Variants in RNF103 observed in about 807,000 individuals in gnomAD.
The protein encoded by RNF103 is E3 ubiquitin-protein ligase RNF103.
A neutral mutation model predicts 66.2 loss-of-function variants in RNF103; 23 were observed. That is an observed-to-expected ratio of 0.35 (90% CI 0.25 to 0.49). The LOEUF is 0.49. Among genes scored for constraint, RNF103 ranks in the 20% least tolerant of loss-of-function variants. RNF103 has a pLI of 0.98. For missense variants in RNF103, 730 were observed against 814.7 expected, an observed-to-expected ratio of 0.90 and a Z score of 1.27; for synonymous variants, 297 against 289.9, an observed-to-expected ratio of 1.02 and a Z score of -0.25.
chr2:86,607,183 T>G (rs566352717), intron 3 of RNF103, among the ~76,000 whole-genome samples: 3 of 152,254 alleles, frequency 2.0e-5, no homozygotes, highest in Non-Finnish European at 4.4e-5. Flanking sequence ...GATTTGTATA[T>G]GCATAGTAAT....
intron 3 of RNF103, among the ~76,000 whole-genome samples, chr2:86,611,954 T>C (rs1395493823): frequency 1.3e-5 from 2 of 150,732 alleles, no homozygotes; most frequent in African/African-American, 4.9e-5. Flanking sequence ...GAGAGGGAGA[T>C]AGAGGAGACA....
rs1679305819 is a variant in RNF103 at position 86,623,286 on chromosome 2, T to C, written c.-400A>G. 3 of 993,784 alleles carry C rather than the reference T, an allele frequency of 3.0e-6. No homozygotes were observed. Among genetic ancestry groups the C allele is most frequent in the South Asian group, 4.5e-5 (1 of 22,102 alleles). The allele number at this position is 993,784 out of a possible 1,614,324, so 61.6% of individuals were successfully genotyped here. On this transcript the variant is annotated 5_prime_UTR_variant, in exon 1 of 4. Coordinates refer to ENST00000237455, the MANE Select transcript of RNF103 (RefSeq NM_005667.4). ...CGGGGTCGGCCCTCCGGTGCCGCGATCTCAAGGGGGAGGGGGAGACCAAAA... is the reference window on the plus strand; with the variant it reads ...CGGGGTCGGCCCTCCGGTGCCGCGACCTCAAGGGGGAGGGGGAGACCAAAA...
intron 2 of RNF103, chr2:86,616,583 G>A: frequency 2.0e-6 from 2 of 985,358 alleles, no homozygotes; most frequent in Non-Finnish European, 1.2e-6. Context: ...CAAAACTTTT[G>A]TCTAGGAGCA....
chr2:86,620,577 T>C (rs1045006882), intron 1 of RNF103, 108 bp from the exon 2 acceptor site: 2 of 1,310,472 alleles, frequency 1.5e-6, no homozygotes, highest in East Asian at 2.6e-5. Flanking sequence ...TGTACTTTCA[T>C]TGTATTTTAT....
chr2:86,608,521 AAG>A (rs1573355433), intron 3 of RNF103, among the ~76,000 whole-genome samples: 3 of 150,608 alleles, frequency 2.0e-5, no homozygotes, highest in South Asian at 2.1e-4. Context: ...GGAAGAAAGG[AAG>A]AGAGAGAAAC....
chr2:86,613,614 G>A (rs1446953990), intron 2 of RNF103: 1 of 152,116 alleles, frequency 6.6e-6, no homozygotes, highest in African/African-American at 2.4e-5. Flanking sequence ...AAGCCTCCAG[G>A]AAGTGAAGTT....
In RNF103 at chr2:86,623,837, G is replaced by A. The variant is rs1224383282; in HGVS notation, c.-951C>T. The A allele has an allele frequency of 7.8e-7, 1 of 1,287,898 alleles. No homozygotes were observed. The highest frequency in any genetic ancestry group is 1.0e-6 in the Non-Finnish European group (1 of 988,362). The allele number at this position is 1,287,898 out of a possible 1,614,324, so 79.8% of individuals were successfully genotyped here. On this transcript the variant is annotated 5_prime_UTR_variant, in exon 1 of 4. Coordinates refer to ENST00000237455, the MANE Select transcript of RNF103 (RefSeq NM_005667.4). ...GTACCCTCCACAACCGTGTATCAGC[G>A]GCGGCCGCGGCCGGAGCCGAGACAT...
chr2:86,621,599 G>A (rs1679230244), intron 1 of RNF103, among the ~76,000 whole-genome samples: 1 of 152,088 alleles, frequency 6.6e-6, no homozygotes, highest in Non-Finnish European at 1.5e-5. Flanking sequence ...TTTATAACCC[G>A]CAACCTACAA....
chr2:86,609,301 T>TG (rs562024472), intron 3 of RNF103, among the ~76,000 whole-genome samples: 1 of 152,160 alleles, frequency 6.6e-6, no homozygotes, highest in Admixed American at 6.5e-5. Flanking sequence ...GCTGAGCAGA[T>TG]GCTGGCACCA....
chr2:86,621,122 T>C (rs1679213207), intron 1 of RNF103, among the ~76,000 whole-genome samples: 1 of 152,210 alleles, frequency 6.6e-6, no homozygotes, highest in Non-Finnish European at 1.5e-5. Flanking sequence ...TACTGCACCA[T>C]GATAGCAGCA....
At chr2:86,620,257 T>C (rs1679176296) in intron 2 of RNF103, 73 bp downstream of exon 2, 5 of 1,465,722 alleles carry the variant, frequency 3.4e-6, no homozygotes, top group Non-Finnish European at 4.6e-6. Flanking sequence ...TGTCACTGGC[T>C]GGTACATACT....
At chr2:86,614,818 A>G (rs1678955799) in intron 2 of RNF103, 26 of 984,374 alleles carry the variant, frequency 2.6e-5, no homozygotes, top group Non-Finnish European at 3.1e-5. Flanking sequence ...TCATACTACC[A>G]TACTCTCTAC....
chr2:86,618,283 C>G (rs1298583588), intron 2 of RNF103: 1 of 213,266 alleles, frequency 4.7e-6, no homozygotes, highest in Admixed American at 5.4e-5. Flanking sequence ...CTACTTTCCA[C>G]TAACTGATGT....
At chr2:86,620,501 G>T in intron 1 of RNF103, 32 bp from the exon 2 acceptor site, 2 of 1,502,908 alleles carry the variant, frequency 1.3e-6, no homozygotes, top group Non-Finnish European at 1.8e-6. Context: ...CACTAATAAG[G>T]TTGCAAGAAT....
chr2:86,615,098 G>A (rs1008755171), intron 2 of RNF103: 67 of 985,282 alleles, frequency 6.8e-5, no homozygotes, highest in Non-Finnish European at 7.7e-5. Context: ...TTCTTCCCAG[G>A]TACCTCTTGG....
At chr2:86,611,094 TG>T (rs1310510125) in intron 3 of RNF103, among the ~76,000 whole-genome samples, 1 of 151,596 alleles carries the variant, frequency 6.6e-6, no homozygotes, top group Non-Finnish European at 1.5e-5. Flanking sequence ...GAAGATCACT[TG>T]AGCCCATCCA....
At position 86,604,117 on chromosome 2, in the gene RNF103, T is replaced by C. The variant is rs1173513263; in HGVS notation, c.1784A>G (p.Tyr595Cys). 2.5e-6 allele frequency: 4 copies of C among 1,613,462 alleles called. No individual in the cohort carries two copies. The highest frequency in any genetic ancestry group is 2.2e-5 in the South Asian group (2 of 91,084). The part of the protein sequence containing the change: ...TSPCERKGRS[Y>C]GSYNTNEDME... Reference sequence around the variant, plus strand: ...ATCTTCATTAGTGTTATATGATCCATATGACCTCCCCTTCCTTTCACATGG... The same window carrying C: ...ATCTTCATTAGTGTTATATGATCCACATGACCTCCCCTTCCTTTCACATGG... Residue 595 changes from tyrosine (Y) to cysteine (C), a missense_variant, in exon 4 of 4, where the codon TAT becomes TGT. Tyr to Cys is a radical substitution (Grantham distance 194, BLOSUM62 -2). Coordinates refer to ENST00000237455, the MANE Select transcript of RNF103 (RefSeq NM_005667.4).
rs1364224022 is a variant in RNF103, at chr2:86,613,802, CCT to C, written c.367-1530_367-1529del. ...GAAGTTCACTTTATGTGCCAAATAACCTCTGTGACACTCCACTACCATCCTCA... is the reference window on the plus strand; with the variant it reads ...GAAGTTCACTTTATGTGCCAAATAACCTGTGACACTCCACTACCATCCTCA... On this transcript the variant is annotated intron_variant, in intron 2 of 3. Transcript: ENST00000237455. 3 of 152,302 alleles carry C rather than the reference CCT, an allele frequency of 2.0e-5. No homozygotes were observed. The East Asian group carries it at 5.8e-4, about 29-fold the overall frequency. 9.4% of individuals were successfully genotyped at this position (152,302 alleles called of 1,614,324 possible).
In RNF103 at chr2:86,605,040, T is replaced by C. The variant is rs535409400; in HGVS notation, c.861A>G (p.Ser287=). ...MTDIGIYNMP[S]YILRTPEGIY... The stretch of plus-strand genomic sequence containing the variant: ...TTCCTTCAGGAGTTCTAAGTATGTA[T>C]GATGGCATATTATATATGCCAATAT... Residue 287 remains serine (S), a synonymous_variant, in exon 4 of 4, where the codon TCA becomes TCG. Transcript: ENST00000237455. 6.8e-6 allele frequency: 11 copies of C among 1,614,162 alleles called. No individual in the cohort carries two copies. The African/African-American group carries it at 1.3e-4, about 20-fold the overall frequency.
Sources: allele counts gnomAD v4.1 joint callset (sites outside exome capture counted in the v4.1 genomes callset), GRCh38; gene constraint gnomAD v4.1.1; transcripts MANE v1.5; gene names NCBI Gene and HGNC (gene_info 2026-07-23, HGNC 2026-07-21).